FNBP1L: variants seen among roughly 807,000 people sequenced by gnomAD.
FNBP1L encodes the protein formin-binding protein 1-like.
In FNBP1L, 36 loss-of-function variants were observed where a neutral mutation model predicts 91.2. The ratio of observed to expected loss-of-function variants is 0.39; its 90% CI spans 0.30 to 0.52. The LOEUF is 0.52. Ranked by LOEUF, FNBP1L falls within the 20% of genes least tolerant of loss-of-function variation. The probability of loss-of-function intolerance (pLI) is 0.66; values close to 1 mark genes in which losing one functional copy is unlikely to be tolerated. For synonymous variants in FNBP1L, 242 were observed against 237.0 expected, an observed-to-expected ratio of 1.02 and a Z score of -0.19; for missense variants, 571 against 732.1, an observed-to-expected ratio of 0.78 and a Z score of 2.54.
intron 5 of FNBP1L, among the ~76,000 whole-genome samples, chr1:93,527,599 A>G (rs1027928453): frequency 6.6e-6 from 1 of 152,174 alleles, no homozygotes; most frequent in Non-Finnish European, 1.5e-5. Context: ...TTTAGGGAGA[A>G]AAAGCTTATA....
chr1:93,529,641 T>C lies in FNBP1L; in HGVS notation c.406-11T>C. The C allele has an allele frequency of 6.9e-7, 1 of 1,444,754 alleles. No homozygotes were observed. Among genetic ancestry groups the C allele is most frequent in the Non-Finnish European group, 9.2e-7 (1 of 1,085,296 alleles). The allele number at this position is 1,444,754 out of a possible 1,614,324, so 89.5% of individuals were successfully genotyped here. A position where few individuals can be genotyped will look rare whatever the true frequency, so the allele number is the denominator to read the frequency against. ...TATTTTCTCAGTGTGATATTTTAATTTTTTTAACAGAGTAAAAAGAAGTTT... is the reference window on the plus strand; with the variant it reads ...TATTTTCTCAGTGTGATATTTTAATCTTTTTAACAGAGTAAAAAGAAGTTT... On this transcript the variant is annotated splice_polypyrimidine_tract_variant and intron_variant, in intron 5 of 16. Transcript: ENST00000271234.
chr1:93,489,936 C>T (rs149621705), intron 1 of FNBP1L, among the ~76,000 whole-genome samples: 57 of 152,206 alleles, frequency 3.7e-4, no homozygotes, highest in Middle Eastern at 3.4e-3. Flanking sequence ...TTCAGAAGTG[C>T]TGGAGGAACT....
In FNBP1L at chr1:93,485,457, G is replaced by A. The variant is rs149374853; in HGVS notation, c.25-14011G>A. On this transcript the variant is annotated intron_variant, in intron 1 of 16. Coordinates refer to ENST00000271234, the MANE Select transcript of FNBP1L (RefSeq NM_001164473.3). The stretch of plus-strand genomic sequence containing the variant: ...CTAGAAGACATAAAACCTATGTATT[G>A]TATGAAGTTCAGTCATACAAAGCTG... 4.6e-5 allele frequency among the ~76,000 whole-genome samples: 7 copies of A among 152,194 alleles called. No homozygotes were observed. The East Asian group carries it at 1.2e-3, about 25-fold the overall frequency.
chr1:93,536,608 A>G, intron 10 of FNBP1L, 118 bp downstream of exon 10: 1 of 922,298 alleles, frequency 1.1e-6, no homozygotes, highest in East Asian at 3.0e-5. Flanking sequence ...TAAAAACACC[A>G]CAGAATTAAG....
intron 1 of FNBP1L, among the ~76,000 whole-genome samples, chr1:93,460,004 T>C (rs912082931): frequency 2.0e-5 from 3 of 149,476 alleles, no homozygotes; most frequent in Non-Finnish European, 4.5e-5. Context: ...ATATTGGCAT[T>C]ATACTTATCA....
chr1:93,552,351 T>A, intron 16 of FNBP1L, 58 bp from the exon 17 acceptor site: 4 of 1,591,948 alleles, frequency 2.5e-6, no homozygotes, highest in Non-Finnish European at 3.4e-6. Context: ...GAACACCCCT[T>A]TTGGTTTTAC....
chr1:93,520,133 A>G (rs1006933673), intron 2 of FNBP1L, among the ~76,000 whole-genome samples: 1 of 152,174 alleles, frequency 6.6e-6, no homozygotes, highest in African/African-American at 2.4e-5. Flanking sequence ...AATTATTGGT[A>G]TATACTTGTC....
At chr1:93,495,176 A>G (rs929132235) in intron 1 of FNBP1L, among the ~76,000 whole-genome samples, 2 of 152,198 alleles carry the variant, frequency 1.3e-5, no homozygotes, top group Admixed American at 1.3e-4. Context: ...GGAAAAATAG[A>G]AATATTTTTT....
intron 7 of FNBP1L, 66 bp from the exon 8 acceptor site, chr1:93,532,856 A>G: frequency 8.1e-7 from 1 of 1,241,608 alleles, no homozygotes. Context: ...GGGATCACTA[A>G]TTGAACTCCT....
intron 2 of FNBP1L, among the ~76,000 whole-genome samples, chr1:93,515,489 G>T (rs539917637): frequency 6.6e-6 from 1 of 151,982 alleles, no homozygotes; most frequent in Admixed American, 6.6e-5. Flanking sequence ...GGCATTATTC[G>T]CAATAGCAAA....
At chr1:93,526,695 C>T (rs926222809) in intron 5 of FNBP1L, among the ~76,000 whole-genome samples, 1 of 152,032 alleles carries the variant, frequency 6.6e-6, no homozygotes, top group Admixed American at 6.6e-5. Flanking sequence ...GTCTGCCACA[C>T]CAAGGATGAA....
chr1:93,451,630 A>G (rs1668497304), intron 1 of FNBP1L, among the ~76,000 whole-genome samples: 2 of 152,108 alleles, frequency 1.3e-5, no homozygotes, highest in African/African-American at 2.4e-5. Context: ...TTTAAAAGCC[A>G]TTGTTATTTT....
intron 16 of FNBP1L, 46 bp from the exon 17 acceptor site, chr1:93,552,363 A>G (rs1672441081): frequency 6.2e-7 from 1 of 1,600,786 alleles, no homozygotes; most frequent in Admixed American, 1.7e-5. Context: ...TGGTTTTACC[A>G]AAGGTCTTCA....
chr1:93,520,706 G>A (rs1427935644), intron 2 of FNBP1L, among the ~76,000 whole-genome samples: 1 of 152,036 alleles, frequency 6.6e-6, no homozygotes, highest in Non-Finnish European at 1.5e-5. Context: ...TAGGAAATGA[G>A]GGGACAGAGA....
intron 1 of FNBP1L, among the ~76,000 whole-genome samples, chr1:93,485,978 G>A (rs7547495): frequency 0.028 from 4,246 of 152,276 alleles, 184 homozygotes; most frequent in African/African-American, 0.094. Context: ...GATTACAGGC[G>A]TGAGCCAACG....
intron 1 of FNBP1L, among the ~76,000 whole-genome samples, chr1:93,481,521 A>G (rs1305582601): frequency 6.6e-6 from 1 of 152,186 alleles, no homozygotes; most frequent in Non-Finnish European, 1.5e-5. Flanking sequence ...ATAATCAAAC[A>G]TCTTAACTAG....
At chr1:93,552,156 AC>A in intron 16 of FNBP1L, 2 of 1,222,592 alleles carry the variant, frequency 1.6e-6, no homozygotes, top group Non-Finnish European at 2.0e-6. Context: ...TGTTGGAAAC[AC>A]TGTGCAGTCA....
chr1:93,452,339 C>T (rs1668524520), intron 1 of FNBP1L, among the ~76,000 whole-genome samples: 1 of 152,176 alleles, frequency 6.6e-6, no homozygotes, highest in Admixed American at 6.5e-5. Flanking sequence ...ATCTGGATAA[C>T]AGCTCAAGAA....
chr1:93,547,213 A>G lies in FNBP1L; in HGVS notation c.1408-134A>G. 5 of 886,218 alleles carry G rather than the reference A, an allele frequency of 5.6e-6. 1 individual carries two copies. The South Asian group carries it at 9.3e-5, about 16-fold the overall frequency. 54.9% of individuals were successfully genotyped at this position (886,218 alleles called of 1,614,324 possible). A position where few individuals can be genotyped will look rare whatever the true frequency, so the allele number is the denominator to read the frequency against. On this transcript the variant is annotated intron_variant, in intron 13 of 16. Transcript: ENST00000271234. ...CAGCTATAAAGTTGATCCTTTGACC[A>G]GTTTGGAATAAAGGTTTCACATCTC... is the stretch of plus-strand genomic sequence containing the variant.
Sources: gnomAD v4.1 joint callset for allele counts (sites outside exome capture counted in the v4.1 genomes callset) on GRCh38, gnomAD v4.1.1 for gene constraint, MANE v1.5 for transcripts, NCBI Gene and HGNC (gene_info 2026-07-23, HGNC 2026-07-21) for gene names.